ZNHIT3: variants seen among roughly 807,000 people sequenced by gnomAD.
ZNHIT3 encodes zinc finger HIT domain-containing protein 3.
A neutral mutation model predicts 19.9 loss-of-function variants in ZNHIT3; 27 were observed. The observed-to-expected ratio is 1.36, with a 90% CI of 1.00 to 1.87. The LOEUF (loss-of-function observed/expected upper bound fraction) is 1.87, where lower values mean the gene tolerates loss of function less well. Ranked by LOEUF, ZNHIT3 falls within the 40% of genes most tolerant of loss-of-function variation. The probability of loss-of-function intolerance (pLI) is 0.00; values close to 1 mark genes in which losing one functional copy is unlikely to be tolerated. For synonymous variants in ZNHIT3, 81 were observed against 65.7 expected (o/e 1.23, Z -1.13); for missense variants, 215 against 185.6 (o/e 1.16, Z -0.92).
At chr17:36,497,563 T>C (rs2071105033), downstream of ZNHIT3, 3 of 985,130 alleles carry the variant, frequency 3.0e-6, no homozygotes, top group South Asian at 4.7e-5. Context: ...TTTTCTGTAA[T>C]TGACCTATTA....
intron 3 of ZNHIT3, chr17:36,493,263 A>C (rs1027293109): frequency 1.4e-5 from 4 of 295,954 alleles, no homozygotes; most frequent in South Asian, 9.6e-5. Flanking sequence ...CCCAGGCAGG[A>C]GGCTTTCTTT....
intron 2 of ZNHIT3, chr17:36,490,005 A>C (rs1054762636): frequency 4.7e-5 from 7 of 150,370 alleles, no homozygotes; most frequent in African/African-American, 1.7e-4. Flanking sequence ...TGTCAAGTGA[A>C]TATTTTGCAA....
At chr17:36,487,448 A>C (rs1201081759) in intron 2 of ZNHIT3, among the ~76,000 whole-genome samples, 4 of 152,212 alleles carry the variant, frequency 2.6e-5, no homozygotes, top group Non-Finnish European at 4.4e-5. Context: ...AAGAGAAAAA[A>C]AGAACCAAGT....
chr17:36,496,523 G>C, downstream of ZNHIT3: 1 of 921,944 alleles, frequency 1.1e-6, no homozygotes, highest in East Asian at 2.6e-5. Flanking sequence ...CTAGTATTGG[G>C]GGCCACAGCA....
At chr17:36,498,223 G>T, downstream of ZNHIT3, 1 of 1,579,564 alleles carries the variant, frequency 6.3e-7, no homozygotes, top group South Asian at 1.1e-5. Context: ...TGCTCCTGCT[G>T]TTCTCAGGAA....
In ZNHIT3 at chr17:36,495,270, C is replaced by G. The variant is rs767262352; in HGVS notation, c.334C>G (p.Gln112Glu). The G allele has an allele frequency of 6.2e-7, 1 of 1,612,132 alleles. No homozygotes were observed. The highest frequency in any genetic ancestry group is 8.5e-7 in the Non-Finnish European group (1 of 1,179,564). The change falls in exon 5 of 5, where the codon CAG (glutamine) becomes GAG (glutamate). Residue 112 changes from glutamine (Q) to glutamate (E), a missense_variant. Gln to Glu is a conservative substitution (Grantham distance 29). Coordinates refer to ENST00000617429, the MANE Select transcript of ZNHIT3 (RefSeq NM_004773.4). ...CTTATTGCTCAATCCACACCTCAGGCAGTTGATGGTCAACCTCGATCAGGG... is the reference window on the plus strand; with the variant it reads ...CTTATTGCTCAATCCACACCTCAGGGAGTTGATGGTCAACCTCGATCAGGG... ...RSLLLNPHLR[Q>E]LMVNLDQGED...
intron 4 of ZNHIT3, 63 bp from the exon 5 acceptor site, chr17:36,495,160 T>C (rs1368458562): frequency 1.8e-5 from 27 of 1,509,486 alleles, no homozygotes; most frequent in Non-Finnish European, 2.4e-5. Flanking sequence ...CTCTTCACTT[T>C]TCAGCCATCT....
At chr17:36,496,276 G>T (rs1262235554), downstream of ZNHIT3, 2 of 1,613,926 alleles carry the variant, frequency 1.2e-6, no homozygotes, top group East Asian at 2.2e-5. Flanking sequence ...GAAGGCAGAA[G>T]AGGTCACGTG....
chr17:36,493,966 G>T lies in ZNHIT3; in HGVS notation c.246G>T (p.Glu82Asp). ...DSIADFLNSD[E>D]EEDRVSLQNL... ...TAGCTGATTTTCTCAATAGTGATGA[G>T]GAAGAAGACAGAGTTTCTTTGCAGA... is the stretch of plus-strand genomic sequence containing the variant. The change falls in exon 4 of 5, where the codon GAG becomes GAT. Residue 82 changes from glutamate (E) to aspartate (D), a missense_variant. Physicochemically the swap from Glu to Asp is conservative, Grantham distance 45. Transcript: ENST00000617429. 6.2e-6 allele frequency: 10 copies of T among 1,613,780 alleles called. No individual in the cohort carries two copies. Among genetic ancestry groups the T allele is most frequent in the Non-Finnish European group, 8.5e-6 (10 of 1,179,738 alleles).
chr17:36,494,555 C>A (rs1300870002), intron 4 of ZNHIT3, among the ~76,000 whole-genome samples: 2 of 152,186 alleles, frequency 1.3e-5, no homozygotes, highest in Non-Finnish European at 2.9e-5. Flanking sequence ...GTTACATGTG[C>A]ATGGGGTCTG....
At chr17:36,497,516 T>C, downstream of ZNHIT3, 2 of 984,788 alleles carry the variant, frequency 2.0e-6, no homozygotes, top group Non-Finnish European at 2.4e-6. Context: ...AAGTCTTGGG[T>C]AGTTTCTTTT....
chr17:36,495,434 T>C lies in ZNHIT3; in HGVS notation c.*30T>C, dbSNP rs142715725. The C allele has an allele frequency of 9.6e-5, 148 of 1,545,564 alleles. No homozygotes were observed. In the East Asian group the frequency reaches 3.4e-3, roughly 35 times the overall value. ...GATTATTGTGCTGCTTGCTCAAGCG[T>C]GTGCTTGACTCCTGGAACCTGCCTG... On this transcript the variant is annotated 3_prime_UTR_variant, in exon 5 of 5. Coordinates refer to ENST00000617429, the MANE Select transcript of ZNHIT3 (RefSeq NM_004773.4).
intron 4 of ZNHIT3, among the ~76,000 whole-genome samples, chr17:36,494,251 A>G (rs1220566918): frequency 6.6e-6 from 1 of 152,106 alleles, no homozygotes; most frequent in Non-Finnish European, 1.5e-5. Flanking sequence ...GCCTTGGTTC[A>G]AGTTTTCTTC....
In ZNHIT3 at chr17:36,495,549, G is replaced by A. The variant is rs1030838869; in HGVS notation, c.*145G>A. The A allele has an allele frequency of 1.7e-5, 23 of 1,330,528 alleles. No homozygotes were observed. The highest frequency in any genetic ancestry group is 3.0e-5 in the African/African-American group (2 of 66,742). 82.4% of individuals were successfully genotyped at this position (1,330,528 alleles called of 1,614,324 possible). ...AGATTAGGTCATGCAGGCCTTTACC[G>A]GCATTGATGTGGCTCATGTTTCAGG... On this transcript the variant is annotated 3_prime_UTR_variant, in exon 5 of 5. Transcript: ENST00000617429.
downstream of ZNHIT3, chr17:36,496,334 T>C: frequency 6.2e-7 from 1 of 1,613,974 alleles, no homozygotes; most frequent in African/African-American, 1.3e-5. Context: ...CCTGTAATGC[T>C]GTAGGGTGAA....
chr17:36,492,022 C>T (rs866855936), intron 2 of ZNHIT3: 3 of 152,380 alleles, frequency 2.0e-5, no homozygotes, highest in South Asian at 2.1e-4. Context: ...GTACCTGGCA[C>T]AGTGCTCGGC....
At chr17:36,493,653 A>G (rs779465073) in intron 3 of ZNHIT3, among the ~76,000 whole-genome samples, 3 of 152,256 alleles carry the variant, frequency 2.0e-5, no homozygotes, top group Non-Finnish European at 2.9e-5. Flanking sequence ...CTAAGCCTAA[A>G]GACCACAGGA....
intron 2 of ZNHIT3, among the ~76,000 whole-genome samples, chr17:36,488,257 C>T (rs527965251): frequency 1.3e-5 from 2 of 150,996 alleles, no homozygotes; most frequent in South Asian, 4.2e-4. Context: ...AAACCTAGTG[C>T]ATACAGGCTG....
chr17:36,495,111 C>T, intron 4 of ZNHIT3, 112 bp from the exon 5 acceptor site: 3 of 1,345,424 alleles, frequency 2.2e-6, no homozygotes, highest in South Asian at 1.6e-5. Flanking sequence ...AGGCATGAGC[C>T]ACCACACCTT....
Sources: gnomAD v4.1 joint callset for allele counts (sites outside exome capture counted in the v4.1 genomes callset) on GRCh38, gnomAD v4.1.1 for gene constraint, MANE v1.5 for transcripts, NCBI Gene and HGNC (gene_info 2026-07-23, HGNC 2026-07-21) for gene names.